The following NLGN1 variants were observed in gnomAD, a reference collection of about 807,000 sequenced individuals.
NLGN1 encodes neuroligin 1.
Under a neutral mutation model 65.5 loss-of-function variants are expected in NLGN1, and 12 were observed. The observed-to-expected ratio is 0.18, with a 90% CI of 0.12 to 0.30. The LOEUF (loss-of-function observed/expected upper bound fraction) is 0.30. Ranked by LOEUF, NLGN1 falls within the 10% of genes least tolerant of loss-of-function variation. NLGN1 has a pLI of 1.00. For synonymous variants in NLGN1, 350 were observed against 359.5 expected (o/e 0.97, Z 0.30); for missense variants, 750 against 1,007.1 (o/e 0.74, Z 3.46).
chr3:174,055,818 T>G (rs989295944), intron 4 of NLGN1, among the ~76,000 whole-genome samples: 1 of 152,010 alleles, frequency 6.6e-6, no homozygotes, highest in African/African-American at 2.4e-5. Context: ...CAATAATCAT[T>G]CTCATACCTG....
At chr3:173,556,079 C>T (rs1387745780) in intron 2 of NLGN1, among the ~76,000 whole-genome samples, 1 of 152,152 alleles carries the variant, frequency 6.6e-6, no homozygotes, top group Non-Finnish European at 1.5e-5. Context: ...TGACCTTATT[C>T]ACCTAACGTC....
At chr3:173,778,163 A>G (rs75115603) in intron 3 of NLGN1, among the ~76,000 whole-genome samples, 1 of 151,190 alleles carries the variant, frequency 6.6e-6, no homozygotes, top group African/African-American at 2.4e-5. Context: ...CTGTTTTTTT[A>G]AAAAAAACCT....
chr3:173,568,164 TCTTTC>T (rs1231111787), intron 2 of NLGN1, among the ~76,000 whole-genome samples: 1 of 151,634 alleles, frequency 6.6e-6, no homozygotes, highest in African/African-American at 2.4e-5. Flanking sequence ...TTTCCTTCTT[TCTTTC>T]TTTTCTTTCT....
At chr3:173,414,009 T>C (rs1713156497) in intron 1 of NLGN1, among the ~76,000 whole-genome samples, 1 of 152,188 alleles carries the variant, frequency 6.6e-6, no homozygotes, top group Admixed American at 6.5e-5. Context: ...GAGTCCACTG[T>C]GCACACAGAA....
intron 4 of NLGN1, among the ~76,000 whole-genome samples, chr3:174,066,401 G>C (rs1738558305): frequency 6.6e-6 from 1 of 151,786 alleles, no homozygotes; most frequent in South Asian, 2.1e-4. Flanking sequence ...TAAGTAAACT[G>C]TCAACCTGTT....
chr3:173,832,687 C>T (rs955849430), intron 4 of NLGN1, among the ~76,000 whole-genome samples: 5 of 152,050 alleles, frequency 3.3e-5, no homozygotes, highest in African/African-American at 9.7e-5. Context: ...TTCTATCTCA[C>T]GTTAAAAACA....
intron 1 of NLGN1, among the ~76,000 whole-genome samples, chr3:173,431,964 T>C (rs1047441692): frequency 6.6e-6 from 1 of 152,220 alleles, no homozygotes; most frequent in Non-Finnish European, 1.5e-5. Flanking sequence ...AAATGTCGTA[T>C]ATCTGAAATC....
chr3:174,049,899 A>G (rs1734436666), intron 4 of NLGN1, among the ~76,000 whole-genome samples: 1 of 152,074 alleles, frequency 6.6e-6, no homozygotes, highest in African/African-American at 2.4e-5. Flanking sequence ...AAGGATACTG[A>G]GTGGAAGGGA....
chr3:173,879,705 A>G (rs1732861120), intron 4 of NLGN1, among the ~76,000 whole-genome samples: 1 of 151,236 alleles, frequency 6.6e-6, no homozygotes, highest in Non-Finnish European at 1.5e-5. Context: ...GAGACTCTGG[A>G]TTCAGTTATG....
intron 4 of NLGN1, among the ~76,000 whole-genome samples, chr3:173,992,200 CATAAT>C (rs558913139): frequency 6.6e-5 from 10 of 152,128 alleles, no homozygotes; most frequent in East Asian, 1.9e-4. Flanking sequence ...CGCACACACA[CATAAT>C]ATATGTATAT....
chr3:173,797,320 CAAAAATCAGATATGTAAAAAA>C (rs1190643732), intron 3 of NLGN1, among the ~76,000 whole-genome samples: 1 of 152,038 alleles, frequency 6.6e-6, no homozygotes, highest in East Asian at 1.9e-4. Flanking sequence ...AGGGAACCTT[CAAAAATCAGATATGTAAAAAA>C]TTCTTGATGT....
intron 4 of NLGN1, among the ~76,000 whole-genome samples, chr3:174,133,614 A>G (rs1006211344): frequency 2.6e-5 from 4 of 152,094 alleles, no homozygotes; most frequent in African/African-American, 7.2e-5. Context: ...CGCAAATAGT[A>G]CAAGGTAGGT....
intron 3 of NLGN1, among the ~76,000 whole-genome samples, chr3:173,654,338 G>A (rs1482339545): frequency 6.6e-6 from 1 of 151,962 alleles, no homozygotes; most frequent in African/African-American, 2.4e-5. Context: ...AATAATACTA[G>A]TAATATCTTA....
At chr3:173,614,922 A>C (rs1319053866) in intron 3 of NLGN1, among the ~76,000 whole-genome samples, 1 of 152,194 alleles carries the variant, frequency 6.6e-6, no homozygotes. Flanking sequence ...CATTTCAGTG[A>C]AAATGGAAAT....
chr3:174,244,166 A>G (rs1743370938), intron 4 of NLGN1, among the ~76,000 whole-genome samples: 1 of 152,204 alleles, frequency 6.6e-6, no homozygotes, highest in South Asian at 2.1e-4. Context: ...AAGGGAAAAG[A>G]AGTAATAGTT....
chr3:174,261,126 C>T (rs1746811522), intron 4 of NLGN1, among the ~76,000 whole-genome samples: 1 of 152,128 alleles, frequency 6.6e-6, no homozygotes, highest in Non-Finnish European at 1.5e-5. Context: ...TGTGATGCCT[C>T]CAGCTTTGTT....
At chr3:173,412,479 T>C (rs1712782799) in intron 1 of NLGN1, among the ~76,000 whole-genome samples, 1 of 152,078 alleles carries the variant, frequency 6.6e-6, no homozygotes, top group Non-Finnish European at 1.5e-5. Flanking sequence ...GAAAATAGAA[T>C]GTATTTATCT....
chr3:173,975,236 G>A (rs1717173725), intron 4 of NLGN1, among the ~76,000 whole-genome samples: 1 of 151,968 alleles, frequency 6.6e-6, no homozygotes, highest in South Asian at 2.1e-4. Context: ...GGGCTTCAGG[G>A]AAAATAGGGA....
chr3:173,604,754 C>T, exon 3 of NLGN1: 2 of 1,613,686 alleles, frequency 1.2e-6, no homozygotes, highest in Non-Finnish European at 1.7e-6. Flanking sequence ...ATGATGTGGA[C>T]CCACTGGTGG....
Sources: allele counts gnomAD v4.1 joint callset (sites outside exome capture counted in the v4.1 genomes callset), GRCh38; gene constraint gnomAD v4.1.1; transcripts MANE v1.5; gene names NCBI Gene and HGNC (gene_info 2026-07-23, HGNC 2026-07-21).